RHOBTB2: variants seen among roughly 807,000 people sequenced by gnomAD.
RHOBTB2 encodes the protein rho-related BTB domain-containing protein 2.
In RHOBTB2, 39 loss-of-function variants were observed where a neutral mutation model predicts 66.5. The observed-to-expected ratio is 0.59, with a 90% CI of 0.45 to 0.77. The LOEUF (loss-of-function observed/expected upper bound fraction) is 0.77, where lower values mean the gene tolerates loss of function less well. RHOBTB2 is among the 30% of genes least tolerant of loss of function. The pLI is 0.00. For synonymous variants in RHOBTB2, 390 were observed against 395.0 expected, an observed-to-expected ratio of 0.99 and a Z score of 0.15; for missense variants, 755 against 999.1, an observed-to-expected ratio of 0.76 and a Z score of 3.29.
In RHOBTB2 at chr8:23,017,484, C is replaced by T. The variant is rs1357401690; in HGVS notation, c.*15C>T. The T allele has an allele frequency of 1.3e-6, 2 of 1,563,816 alleles. No homozygotes were observed. Among genetic ancestry groups the T allele is most frequent in the Admixed American group, 1.9e-5 (1 of 51,932 alleles). ...CTGTGGTCTGAGATGCTGCCACCCTCTTCTGACCCTGCTGCTGTTGTCCCC... is the reference window on the plus strand; with the variant it reads ...CTGTGGTCTGAGATGCTGCCACCCTTTTCTGACCCTGCTGCTGTTGTCCCC... On this transcript the variant is annotated 3_prime_UTR_variant, in exon 10 of 10. Transcript: ENST00000251822. The surrounding 1 kb of genome is among the most constrained non-coding windows in gnomAD (Gnocchi z 5.3).
At chr8:22,977,957 A>G in the RHOBTB2 span, 2 of 152,018 alleles carry the variant, frequency 1.3e-5, no homozygotes, top group African/African-American at 4.8e-5. Flanking sequence ...CAAGAGTCCT[A>G]TGCTGACCAG....
intron 2 of RHOBTB2, among the ~76,000 whole-genome samples, chr8:22,993,192 C>T (rs1370843380): frequency 6.6e-6 from 1 of 151,980 alleles, no homozygotes; most frequent in African/African-American, 2.4e-5. Flanking sequence ...TGTGTTCTTG[C>T]TCTGTCACCC....
chr8:22,968,767 C>T, the RHOBTB2 span, among the ~76,000 whole-genome samples: 12 of 135,338 alleles, frequency 8.9e-5, no homozygotes, highest in East Asian at 8.6e-4. Context: ...GGAAGTAAGA[C>T]GCTGGGACAA....
At chr8:23,013,918 T>A (rs774539234) in intron 7 of RHOBTB2, among the ~76,000 whole-genome samples, 5 of 152,210 alleles carry the variant, frequency 3.3e-5, no homozygotes, top group Non-Finnish European at 5.9e-5. Context: ...GACTCCAGAG[T>A]CTTACGAGCT....
At chr8:22,970,096 T>G in the RHOBTB2 span, among the ~76,000 whole-genome samples, 1 of 152,190 alleles carries the variant, frequency 6.6e-6, no homozygotes, top group Non-Finnish European at 1.5e-5. Flanking sequence ...TTTGTCCTGC[T>G]ATAACAAAAT....
rs1013453172 is a variant in RHOBTB2 at position 23,019,187 on chromosome 8, G to A, written c.*1718G>A. The A allele has an allele frequency of 6.6e-6, 1 of 152,584 alleles. No homozygotes were observed. Among genetic ancestry groups the A allele is most frequent in the Non-Finnish European group, 1.5e-5 (1 of 68,358 alleles). 9.5% of individuals were successfully genotyped at this position (152,584 alleles called of 1,614,324 possible). On this transcript the variant is annotated 3_prime_UTR_variant, in exon 10 of 10. Transcript: ENST00000251822. ...CTGGGGTGGGCTCCAGGAAAACGCTGGTTAGGCCTGGGATTGAGCTAACCT... is the reference window on the plus strand; with the variant it reads ...CTGGGGTGGGCTCCAGGAAAACGCTAGTTAGGCCTGGGATTGAGCTAACCT...
the RHOBTB2 span, among the ~76,000 whole-genome samples, chr8:22,979,787 C>A: frequency 3.5e-5 from 4 of 114,222 alleles, no homozygotes; most frequent in Non-Finnish European, 5.0e-5. Context: ...GTGACAGAGT[C>A]TCACTCTGTC....
At chr8:22,996,878 T>C (rs1810583931), upstream of RHOBTB2, among the ~76,000 whole-genome samples, 1 of 151,908 alleles carries the variant, frequency 6.6e-6, no homozygotes, top group Non-Finnish European at 1.5e-5. Flanking sequence ...ATTGGAGAGA[T>C]GGGCAAAGAT....
chr8:22,957,318 T>C, the RHOBTB2 span, among the ~76,000 whole-genome samples: 3 of 152,216 alleles, frequency 2.0e-5, no homozygotes, highest in Admixed American at 1.3e-4. Context: ...TATTTTGCTC[T>C]TTTGTGATCA....
At chr8:22,984,025 C>T (rs1236057970), upstream of RHOBTB2, among the ~76,000 whole-genome samples, 5 of 152,176 alleles carry the variant, frequency 3.3e-5, no homozygotes, top group African/African-American at 4.8e-5. Flanking sequence ...TGAGCCACTG[C>T]GCCCAGCCAG....
upstream of RHOBTB2, among the ~76,000 whole-genome samples, chr8:22,984,318 G>C (rs1810257052): frequency 6.6e-6 from 1 of 152,222 alleles, no homozygotes; most frequent in Non-Finnish European, 1.5e-5. Context: ...CTCTGTTGGA[G>C]AGGTCGGAGG....
chr8:23,007,771 G>C, intron 5 of RHOBTB2, 25 bp downstream of exon 5: 1 of 1,606,396 alleles, frequency 6.2e-7, no homozygotes, highest in Non-Finnish European at 8.5e-7. Context: ...TGGAAAGCAA[G>C]GGGGTTCTGC....
the RHOBTB2 span, among the ~76,000 whole-genome samples, chr8:22,980,328 T>C: frequency 6.6e-6 from 1 of 152,314 alleles, no homozygotes; most frequent in East Asian, 1.9e-4. Flanking sequence ...TCCTCACCAA[T>C]TTGATAGGTT....
chr8:23,012,094 A>G (rs967488749), intron 7 of RHOBTB2, among the ~76,000 whole-genome samples: 5 of 152,244 alleles, frequency 3.3e-5, no homozygotes, highest in Admixed American at 2.6e-4. Context: ...CTACAACAGT[A>G]TATCTTGTTT....
intron 1 of RHOBTB2, among the ~76,000 whole-genome samples, chr8:23,001,710 C>A (rs1389360162): frequency 6.6e-6 from 1 of 152,102 alleles, no homozygotes; most frequent in Non-Finnish European, 1.5e-5. Context: ...GAGACTGATG[C>A]CCAGAAAATA....
chr8:22,962,041 C>G, the RHOBTB2 span, among the ~76,000 whole-genome samples: 2 of 151,758 alleles, frequency 1.3e-5, no homozygotes, highest in African/African-American at 4.8e-5. Flanking sequence ...GGTGACTGTA[C>G]TCCCAACTAC....
Position 23,004,912 on chromosome 8 carries a change from G to A in RHOBTB2, c.192+286G>A. On this transcript the variant is annotated intron_variant, in intron 2 of 9. Transcript: ENST00000251822. This position sits in a 1 kb window ranked among gnomAD's most constrained non-coding sequence, Gnocchi z 6.4. ...GTATGTAGTCACAGCCTTAAGTAAT[G>A]GGGAGCACTGGAGGGCTGGGGCTTG... The A allele has an allele frequency of 2.0e-6, 1 of 501,970 alleles. No individual in the cohort carries two copies. Among genetic ancestry groups the A allele is most frequent in the South Asian group, 2.2e-5 (1 of 45,286 alleles). The allele number at this position is 501,970 out of a possible 1,614,324, so 31.1% of individuals were successfully genotyped here.
At chr8:22,988,461 C>A (rs1480238716) in intron 1 of RHOBTB2, among the ~76,000 whole-genome samples, 1 of 152,136 alleles carries the variant, frequency 6.6e-6, no homozygotes, top group Admixed American at 6.5e-5. Flanking sequence ...CGCACCTGAC[C>A]TCCTTCCCCC....
the RHOBTB2 span, among the ~76,000 whole-genome samples, chr8:22,951,895 GTT>G: frequency 6.6e-6 from 1 of 152,108 alleles, no homozygotes; most frequent in South Asian, 2.1e-4. Flanking sequence ...TAATTTTTGT[GTT>G]TTTAGTAGAG....
Sources: gnomAD v4.1 joint callset for allele counts (sites outside exome capture counted in the v4.1 genomes callset) on GRCh38, gnomAD v4.1.1 for gene constraint, Gnocchi (gnomAD v3.1) non-coding constraint, MANE v1.5 for transcripts, NCBI Gene and HGNC (gene_info 2026-07-23, HGNC 2026-07-21) for gene names.